Variants in CDKAL1 observed in about 807,000 individuals in gnomAD.
CDKAL1 encodes threonylcarbamoyladenosine tRNA methylthiotransferase.
In CDKAL1, 32 loss-of-function variants were observed where a neutral mutation model predicts 68.2. The ratio of observed to expected loss-of-function variants is 0.47; its 90% CI spans 0.35 to 0.63. CDKAL1 has a LOEUF of 0.63. Ranked by LOEUF, CDKAL1 falls within the 30% of genes least tolerant of loss-of-function variation. The probability of loss-of-function intolerance (pLI) is 0.00; values close to 1 mark genes in which losing one functional copy is unlikely to be tolerated. For synonymous variants in CDKAL1, 234 were observed against 244.3 expected (o/e 0.96, Z 0.39); for missense variants, 606 against 696.7 (o/e 0.87, Z 1.47).
At chr6:20,754,232 A>G (rs1284597007) in intron 6 of CDKAL1, among the ~76,000 whole-genome samples, 9 of 151,976 alleles carry the variant, frequency 5.9e-5, no homozygotes, top group Admixed American at 2.6e-4. Context: ...ATCTTCCCAT[A>G]TTGGCCTCCC....
At chr6:21,031,455 C>A (rs1426385583) in intron 11 of CDKAL1, among the ~76,000 whole-genome samples, 1 of 151,770 alleles carries the variant, frequency 6.6e-6, no homozygotes, top group South Asian at 2.1e-4. Flanking sequence ...CTGTAAGATC[C>A]CTTCACAGCA....
At chr6:20,620,320 T>C (rs567842126) in intron 4 of CDKAL1, among the ~76,000 whole-genome samples, 2 of 152,332 alleles carry the variant, frequency 1.3e-5, no homozygotes, top group East Asian at 1.9e-4. Flanking sequence ...TTTAGAATGA[T>C]TGAATTTAGA....
rs115898163 is a variant in CDKAL1, at chr6:20,674,664, G to T, written c.371+25287G>T. Among the ~76,000 whole-genome samples the T allele has an allele frequency of 4.2e-3, 642 of 152,234 alleles. 10 individuals carry two copies. The highest frequency in any genetic ancestry group is 0.014 in the African/African-American group (601 of 41,546). On this transcript the variant is annotated intron_variant, in intron 5 of 15. Coordinates refer to ENST00000274695, the MANE Select transcript of CDKAL1 (RefSeq NM_017774.3). Reference sequence around the variant, plus strand: ...TTAGCTATAGTCACCCTACTGTGCTGTAGAACACTAGAACTTATTCCTCCT... The same window carrying T: ...TTAGCTATAGTCACCCTACTGTGCTTTAGAACACTAGAACTTATTCCTCCT...
chr6:20,885,783 G>A (rs1034197185), intron 9 of CDKAL1, among the ~76,000 whole-genome samples: 7 of 152,176 alleles, frequency 4.6e-5, no homozygotes, highest in East Asian at 1.9e-4. Context: ...TCTAGAATAC[G>A]TAAAGAACTA....
chr6:20,877,495 C>T (rs568296913), intron 9 of CDKAL1, among the ~76,000 whole-genome samples: 1 of 152,202 alleles, frequency 6.6e-6, no homozygotes, highest in African/African-American at 2.4e-5. Flanking sequence ...GACCATTATG[C>T]GGGCCAGTCT....
chr6:20,636,862 C>A (rs943006224), intron 4 of CDKAL1, among the ~76,000 whole-genome samples: 21 of 151,850 alleles, frequency 1.4e-4, no homozygotes, highest in Non-Finnish European at 7.4e-5. Flanking sequence ...CATGGTGAAA[C>A]CCCGTCTCTA....
intron 13 of CDKAL1, among the ~76,000 whole-genome samples, chr6:21,125,475 C>T (rs1027700104): frequency 6.6e-6 from 1 of 152,122 alleles, no homozygotes; most frequent in Non-Finnish European, 1.5e-5. Context: ...GAGTTCGAGA[C>T]CAGCCTGACC....
chr6:20,719,918 T>A (rs1412297674), intron 5 of CDKAL1, among the ~76,000 whole-genome samples: 4 of 152,228 alleles, frequency 2.6e-5, no homozygotes, highest in Non-Finnish European at 4.4e-5. Flanking sequence ...TTGCTCATTT[T>A]AAAAAGCCTG....
intron 8 of CDKAL1, among the ~76,000 whole-genome samples, chr6:20,802,296 CA>C (rs1175503687): frequency 1.1e-5 from 1 of 89,374 alleles, no homozygotes; most frequent in Non-Finnish European, 2.2e-5. Context: ...GACTCCGTCT[CA>C]AAAAACAACA....
intron 9 of CDKAL1, among the ~76,000 whole-genome samples, chr6:20,904,993 A>C (rs1012541702): frequency 3.9e-5 from 6 of 152,184 alleles, no homozygotes; most frequent in African/African-American, 1.4e-4. Context: ...TCATTTCCAG[A>C]ATCACCGCAT....
At chr6:20,649,463 A>C in intron 5 of CDKAL1, 86 bp downstream of exon 5, 2 of 716,058 alleles carry the variant, frequency 2.8e-6, no homozygotes, top group Non-Finnish European at 2.3e-6. Context: ...ATGTCAATAT[A>C]GATATTTAGT....
At chr6:20,544,819 G>A (rs1763532042) in intron 2 of CDKAL1, among the ~76,000 whole-genome samples, 1 of 151,888 alleles carries the variant, frequency 6.6e-6, no homozygotes, top group South Asian at 2.1e-4. Flanking sequence ...ATTACTGGTC[G>A]GTTGGTTGGT....
intron 12 of CDKAL1, among the ~76,000 whole-genome samples, chr6:21,102,326 C>T (rs4712584): frequency 0.16 from 24,458 of 152,140 alleles, 2,019 homozygotes; most frequent in Non-Finnish European, 0.19. Context: ...ATGGGCCTAG[C>T]GTTGCCTACA....
At position 20,725,157 on chromosome 6, in the gene CDKAL1, C is replaced by T. The variant is rs963187100; in HGVS notation, c.372-14362C>T. On this transcript the variant is annotated intron_variant, in intron 5 of 15. Transcript: ENST00000274695. ...CCGCCTTTTTCTTTTCTCTCTTTCT[C>T]CCCTTGTTGAAAGATACTAACTTCT... 2.0e-5 allele frequency among the ~76,000 whole-genome samples: 3 copies of T among 148,292 alleles called. No individual in the cohort carries two copies. In the Admixed American group the frequency reaches 2.0e-4, roughly 10 times the overall value.
chr6:20,535,260 G>A (rs1259387709), intron 1 of CDKAL1, 91 bp from the exon 2 acceptor site: 1 of 152,276 alleles, frequency 6.6e-6, no homozygotes, highest in Non-Finnish European at 1.5e-5. Context: ...AGTCTTTTAT[G>A]GAGTCTGATT....
intron 4 of CDKAL1, among the ~76,000 whole-genome samples, chr6:20,597,575 C>T (rs573454912): frequency 4.5e-4 from 69 of 152,168 alleles, no homozygotes; most frequent in African/African-American, 1.3e-3. Flanking sequence ...CCACCATGCC[C>T]GGCCAGTTTT....
chr6:20,963,413 C>T (rs1765152688), intron 10 of CDKAL1, among the ~76,000 whole-genome samples: 1 of 152,100 alleles, frequency 6.6e-6, no homozygotes, highest in Non-Finnish European at 1.5e-5. Flanking sequence ...CCCCTAATTC[C>T]AGCTCTGCCC....
At chr6:21,053,519 T>A (rs942792110) in intron 11 of CDKAL1, among the ~76,000 whole-genome samples, 3 of 152,228 alleles carry the variant, frequency 2.0e-5, no homozygotes, top group Admixed American at 2.0e-4. Flanking sequence ...TAAGTGTATG[T>A]TTAACTATTT....
intron 11 of CDKAL1, among the ~76,000 whole-genome samples, chr6:21,033,561 G>A (rs575047649): frequency 1.2e-4 from 18 of 152,156 alleles, no homozygotes; most frequent in Middle Eastern, 3.4e-3. Context: ...TCTAAGGAGG[G>A]AAACATATGG....
Sources: gnomAD v4.1 joint callset for allele counts (sites outside exome capture counted in the v4.1 genomes callset) on GRCh38, gnomAD v4.1.1 for gene constraint, MANE v1.5 for transcripts, NCBI Gene and HGNC (gene_info 2026-07-23, HGNC 2026-07-21) for gene names.